LARP1: variants seen among roughly 807,000 people sequenced by gnomAD.
LARP1 encodes La ribonucleoprotein 1, translational regulator.
In LARP1, 36 loss-of-function variants were observed where a neutral mutation model predicts 122.7. The observed-to-expected ratio is 0.29, with a 90% confidence interval of 0.22 to 0.39. The LOEUF (loss-of-function observed/expected upper bound fraction) is 0.39, where lower values mean the gene tolerates loss of function less well. Ranked by LOEUF, LARP1 falls within the 10% of genes least tolerant of loss-of-function variation. LARP1 has a pLI of 1.00. For synonymous variants in LARP1, 539 were observed against 528.7 expected, an observed-to-expected ratio of 1.02 and a Z score of -0.27; for missense variants, 1,040 against 1,403.6, an observed-to-expected ratio of 0.74 and a Z score of 4.14.
Position 154,744,616 on chromosome 5 carries a change from ATTTTTTTTTTTTTTTTTTTTT to A in LARP1, c.205+31505_205+31525del, listed in dbSNP as rs748853573. Among the ~76,000 whole-genome samples the A allele has an allele frequency of 2.8e-4, 20 of 71,996 alleles. No individual in the cohort carries two copies. The East Asian group carries it at 3.3e-3, about 12-fold the overall frequency. The allele number at this position is 71,996 out of a possible 152,430, so 47.2% of individuals were successfully genotyped here. ...CAGGGGAAAGGGCATTGGATATGCA[ATTTTTTTTTTTTTTTTTTTTT>A]TTTTTTTTTTTTTTTTTTGAGACGG... On this transcript the variant is annotated intron_variant, in intron 1 of 18. Coordinates refer to the LARP1 transcript ENST00000336314.
intron 18 of LARP1, among the ~76,000 whole-genome samples, chr5:154,813,525 G>C (rs942153307): frequency 6.6e-6 from 1 of 152,190 alleles, no homozygotes; most frequent in African/African-American, 2.4e-5. Flanking sequence ...AAGGGAAGCA[G>C]AAATGAGGTT....
intron 1 of LARP1, among the ~76,000 whole-genome samples, chr5:154,764,611 A>AC (rs1423607945): frequency 4.7e-5 from 7 of 149,514 alleles, no homozygotes; most frequent in Non-Finnish European, 7.4e-5. Flanking sequence ...AAAAAAAAAA[A>AC]AAAAAAAAAC....
At chr5:154,804,631 G>C (rs2113844398) in intron 14 of LARP1, 1 of 394,028 alleles carries the variant, frequency 2.5e-6, no homozygotes, top group African/African-American at 2.1e-5. Flanking sequence ...CAGATTTCTG[G>C]CAGTCTCTCT....
chr5:154,759,958 TG>T (rs1754316363), intron 1 of LARP1, among the ~76,000 whole-genome samples: 1 of 149,952 alleles, frequency 6.7e-6, no homozygotes, highest in African/African-American at 2.4e-5. Context: ...TTTGTTTTTT[TG>T]GAGACAGTCT....
intron 1 of LARP1, among the ~76,000 whole-genome samples, chr5:154,714,980 C>A (rs1159366424): frequency 6.6e-6 from 1 of 151,952 alleles, no homozygotes; most frequent in Admixed American, 6.6e-5. Flanking sequence ...GAGTTTGAGA[C>A]CAGCTTGGCC....
chr5:154,723,662 A>C (rs1756022300), intron 1 of LARP1, among the ~76,000 whole-genome samples: 1 of 152,204 alleles, frequency 6.6e-6, no homozygotes, highest in Admixed American at 6.5e-5. Flanking sequence ...AGTTCTATAA[A>C]AGTAGGTGCT....
At chr5:154,742,594 G>T (rs1270312643) in intron 1 of LARP1, among the ~76,000 whole-genome samples, 1 of 151,762 alleles carries the variant, frequency 6.6e-6, no homozygotes, top group Admixed American at 6.6e-5. Context: ...GCTGGGTGAG[G>T]TGCCTTGCAC....
chr5:154,792,644 C>T lies in LARP1; in HGVS notation c.587C>T (p.Pro196Leu), dbSNP rs760638327. ...SVQPQSHKPQ[P>L]TRKLPPKKDM... ...TAGCCACAGTCCCACAAGCCTCAGC[C>T]TACCCGTAAACTGCCACCCAAGAAG... Residue 196 changes from proline to leucine, a missense_variant, in exon 4 of 19, where the codon CCT becomes CTT. By Grantham distance (98) the Pro-to-Leu change is moderately conservative. Transcript: ENST00000518297. 1.2e-6 allele frequency: 2 copies of T among 1,614,114 alleles called. No homozygotes were observed. Among genetic ancestry groups the T allele is most frequent in the Non-Finnish European group, 1.7e-6 (2 of 1,179,994 alleles).
chr5:154,741,623 A>G (rs1333699813), intron 1 of LARP1, among the ~76,000 whole-genome samples: 1 of 152,124 alleles, frequency 6.6e-6, no homozygotes, highest in East Asian at 1.9e-4. Flanking sequence ...ACCATGCCCT[A>G]GGGGCCCGCA....
upstream of LARP1, among the ~76,000 whole-genome samples, chr5:154,753,398 A>T (rs934312675): frequency 6.6e-6 from 1 of 151,728 alleles, no homozygotes; most frequent in Non-Finnish European, 1.5e-5. Context: ...GTGAGCCATG[A>T]TCACAATGAC....
intron 1 of LARP1, among the ~76,000 whole-genome samples, chr5:154,692,263 T>G (rs1754257674): frequency 6.6e-6 from 1 of 152,158 alleles, no homozygotes; most frequent in South Asian, 2.1e-4. Context: ...AAAGCAGAGG[T>G]TCAGGAGTCT....
chr5:154,762,063 A>G (rs899995099), intron 1 of LARP1, among the ~76,000 whole-genome samples: 4 of 152,148 alleles, frequency 2.6e-5, no homozygotes, highest in African/African-American at 9.7e-5. Flanking sequence ...CAGCATAGTG[A>G]AACCTCGTCT....
At chr5:154,719,920 G>T (rs895982810) in intron 1 of LARP1, among the ~76,000 whole-genome samples, 2 of 151,810 alleles carry the variant, frequency 1.3e-5, no homozygotes, top group Admixed American at 6.6e-5. Context: ...GGCCGGGCAT[G>T]GTGGCTTATG....
At chr5:154,801,910 T>G in intron 10 of LARP1, 97 bp from the exon 11 acceptor site, 2 of 1,185,178 alleles carry the variant, frequency 1.7e-6, no homozygotes, top group Non-Finnish European at 2.4e-6. Context: ...AACAGTCTTA[T>G]GTTGAGAGGC....
chr5:154,807,150 T>A (rs1301466027), intron 15 of LARP1, among the ~76,000 whole-genome samples: 3 of 152,242 alleles, frequency 2.0e-5, no homozygotes, highest in Non-Finnish European at 4.4e-5. Context: ...AAGGTTCATG[T>A]CATAGCATGC....
intron 1 of LARP1, among the ~76,000 whole-genome samples, chr5:154,721,948 T>C (rs929193939): frequency 1.3e-5 from 2 of 152,158 alleles, no homozygotes; most frequent in African/African-American, 4.8e-5. Flanking sequence ...AGATTTATGG[T>C]TGAACGTCCA....
intron 1 of LARP1, among the ~76,000 whole-genome samples, chr5:154,697,317 G>T (rs1347976869): frequency 6.6e-6 from 1 of 151,796 alleles, no homozygotes; most frequent in Non-Finnish European, 1.5e-5. Flanking sequence ...GAGAGTTTGG[G>T]ATTCCAAGAT....
chr5:154,774,573 A>G (rs1755710266), intron 1 of LARP1, among the ~76,000 whole-genome samples: 1 of 152,080 alleles, frequency 6.6e-6, no homozygotes, highest in African/African-American at 2.4e-5. Context: ...GGTTGGTACT[A>G]CCTTTGGGAA....
chr5:154,794,280 T>G lies in LARP1; in HGVS notation c.1232+18T>G. On this transcript the variant is annotated intron_variant, in intron 7 of 18. Coordinates refer to ENST00000518297, the MANE Select transcript of LARP1 (RefSeq NM_033551.3). ...CGCCAGATGTGAGTGTGCGGAAGCC[T>G]TCTTACCCTGGAGAAATGAGTGAGA... 1 of 1,610,074 alleles carries G rather than the reference T, an allele frequency of 6.2e-7. No homozygotes were observed. The highest frequency in any genetic ancestry group is 1.1e-5 in the South Asian group (1 of 90,942).
Sources: allele counts gnomAD v4.1 joint callset (sites outside exome capture counted in the v4.1 genomes callset), GRCh38; gene constraint gnomAD v4.1.1; transcripts MANE v1.5; gene names NCBI Gene and HGNC (gene_info 2026-07-23, HGNC 2026-07-21).